MYLK4: variants seen among roughly 807,000 people sequenced by gnomAD.
MYLK4 encodes the protein myosin light chain kinase family member 4, also known as caMLCK like.
In MYLK4, 46 loss-of-function variants were observed where a neutral mutation model predicts 48.1. The observed-to-expected ratio is 0.96, with a 90% CI of 0.75 to 1.22. The LOEUF (loss-of-function observed/expected upper bound fraction) is 1.22, where lower values mean the gene tolerates loss of function less well. Ranked by LOEUF, MYLK4 falls within the 50% of genes most tolerant of loss-of-function variation. MYLK4 has a pLI of 0.00. For synonymous variants in MYLK4, 170 were observed against 180.8 expected (o/e 0.94, Z 0.48); for missense variants, 451 against 486.1 (o/e 0.93, Z 0.68).
At position 2,666,026 on chromosome 6, in the gene MYLK4, G is replaced by A. The variant is rs1582013207; in HGVS notation, c.*1899C>T. ...ACCTCGGATAAATGCAAGGCCAAAG[G>A]AGAAAAAGAAACGCATCATAATGTA... On this transcript the variant is annotated 3_prime_UTR_variant, in exon 13 of 13. Transcript: ENST00000274643. 6.6e-6 allele frequency: 1 copy of A among 152,242 alleles called. No individual in the cohort carries two copies. Among genetic ancestry groups the A allele is most frequent in the East Asian group, 1.9e-4 (1 of 5,164 alleles). 9.4% of individuals were successfully genotyped at this position (152,242 alleles called of 1,614,324 possible).
At chr6:2,683,391 T>TTTTGTGTGTG (rs556476421) in intron 6 of MYLK4, among the ~76,000 whole-genome samples, 85 of 126,664 alleles carry the variant, frequency 6.7e-4, no homozygotes, top group Non-Finnish European at 1.1e-3. Context: ...CCCCACCTTT[T>TTTTGTGTGTG]TGTGTGTGTG....
chr6:2,725,726 C>T (rs1763250394), intron 2 of MYLK4, among the ~76,000 whole-genome samples: 1 of 152,202 alleles, frequency 6.6e-6, no homozygotes, highest in Non-Finnish European at 1.5e-5. Context: ...TATCTTTTAA[C>T]TATCGATAGG....
At chr6:2,713,758 T>C (rs1762767240) in intron 2 of MYLK4, among the ~76,000 whole-genome samples, 2 of 152,164 alleles carry the variant, frequency 1.3e-5, no homozygotes, top group African/African-American at 4.8e-5. Flanking sequence ...CCAGTACCTT[T>C]TAAAGGTTGT....
chr6:2,698,708 G>T (rs1405470644), intron 2 of MYLK4, among the ~76,000 whole-genome samples: 1 of 152,168 alleles, frequency 6.6e-6, no homozygotes, highest in Non-Finnish European at 1.5e-5. Context: ...ATTTTCAGAA[G>T]AAATATGAAA....
intron 9 of MYLK4, 98 bp from the exon 10 acceptor site, chr6:2,678,470 A>T: frequency 7.5e-7 from 1 of 1,333,530 alleles, no homozygotes; most frequent in Non-Finnish European, 1.0e-6. Context: ...AGGTGAGAGA[A>T]GGAAAATAAC....
At chr6:2,708,924 TC>T (rs1266634554) in intron 2 of MYLK4, among the ~76,000 whole-genome samples, 1 of 152,194 alleles carries the variant, frequency 6.6e-6, no homozygotes, top group Non-Finnish European at 1.5e-5. Context: ...TTTCAGATTG[TC>T]CCCATTCTTT....
At chr6:2,671,567 AC>A (rs1482747515) in intron 11 of MYLK4, among the ~76,000 whole-genome samples, 2 of 151,812 alleles carry the variant, frequency 1.3e-5, no homozygotes, top group Non-Finnish European at 2.9e-5. Flanking sequence ...CTGTCACACG[AC>A]CCTTCCTTCT....
chr6:2,694,218 A>G (rs1761927331), intron 2 of MYLK4, among the ~76,000 whole-genome samples: 1 of 152,104 alleles, frequency 6.6e-6, no homozygotes, highest in Non-Finnish European at 1.5e-5. Context: ...GTGAAAGTCC[A>G]GAGACGGCAC....
At chr6:2,693,819 G>A (rs9378726) in intron 2 of MYLK4, among the ~76,000 whole-genome samples, 11,767 of 147,870 alleles carry the variant, frequency 0.08, 630 homozygotes, top group East Asian at 0.17. Flanking sequence ...GTGCAATGGC[G>A]CAATCTCAGC....
chr6:2,669,330 C>T (rs997663071), intron 12 of MYLK4, among the ~76,000 whole-genome samples: 3 of 152,348 alleles, frequency 2.0e-5, no homozygotes, highest in Admixed American at 6.5e-5. Flanking sequence ...GCACAGCCAT[C>T]GCTTCGTAGG....
chr6:2,668,816 T>C (rs1760768059), intron 12 of MYLK4, among the ~76,000 whole-genome samples: 1 of 152,188 alleles, frequency 6.6e-6, no homozygotes, highest in Non-Finnish European at 1.5e-5. Flanking sequence ...ATTCCTGTAA[T>C]CTCAGTGCTT....
chr6:2,721,257 T>C (rs1480749986), intron 2 of MYLK4, among the ~76,000 whole-genome samples: 1 of 152,196 alleles, frequency 6.6e-6, no homozygotes, highest in Admixed American at 6.5e-5. Context: ...CCAGCAAATG[T>C]CCAGCACAAT....
At chr6:2,727,970 C>G (rs1289451518) in intron 2 of MYLK4, among the ~76,000 whole-genome samples, 1 of 147,780 alleles carries the variant, frequency 6.8e-6, no homozygotes, top group African/African-American at 2.5e-5. Flanking sequence ...AAAAAAAATG[C>G]TATCATTTAC....
intron 2 of MYLK4, among the ~76,000 whole-genome samples, chr6:2,726,634 C>CA (rs1763284954): frequency 8.2e-6 from 1 of 121,512 alleles, no homozygotes; most frequent in Admixed American, 9.4e-5. Context: ...TTTTTTGAGA[C>CA]AGAGTTTTGC....
At chr6:2,765,081 G>C in the MYLK4 span, among the ~76,000 whole-genome samples, 4 of 151,906 alleles carry the variant, frequency 2.6e-5, no homozygotes, top group Non-Finnish European at 4.4e-5. Context: ...ACCTCGCGCA[G>C]TCCGTGGCTC....
rs1761964031 is a variant in MYLK4, at chr6:2,694,530, GTAGTAGTGT to G, written c.160-1680_160-1672del. Among the ~76,000 whole-genome samples, 73 of 99,490 alleles carry G rather than the reference GTAGTAGTGT, an allele frequency of 7.3e-4. 1 individual carries two copies. Among genetic ancestry groups the G allele is most frequent in the Non-Finnish European group, 1.1e-3 (50 of 45,434 alleles). 65.3% of individuals were successfully genotyped at this position (99,490 alleles called of 152,430 possible). A position where few individuals can be genotyped will look rare whatever the true frequency, so the allele number is the denominator to read the frequency against. Reference sequence around the variant, plus strand: ...GGTGGTGGCGGTGGTGGTGGTGGTGGTAGTAGTGTTGGTTGTGGTGGTAGTCGTGGTGGT... The same window carrying G: ...GGTGGTGGCGGTGGTGGTGGTGGTGGTGGTTGTGGTGGTAGTCGTGGTGGT... On this transcript the variant is annotated intron_variant, in intron 2 of 12. Transcript: ENST00000274643.
intron 2 of MYLK4, among the ~76,000 whole-genome samples, chr6:2,715,493 G>C (rs1184450435): frequency 6.6e-6 from 1 of 152,172 alleles, no homozygotes; most frequent in Non-Finnish European, 1.5e-5. Flanking sequence ...AAGAAAATTG[G>C]CTGATCCAAA....
intron 2 of MYLK4, among the ~76,000 whole-genome samples, chr6:2,697,682 G>A (rs1762116081): frequency 6.6e-6 from 1 of 152,134 alleles, no homozygotes; most frequent in South Asian, 2.1e-4. Context: ...AAAAATCAAT[G>A]GTAAAACGGA....
the MYLK4 span, chr6:2,765,705 C>A: frequency 1.3e-6 from 2 of 1,546,510 alleles, no homozygotes; most frequent in African/African-American, 1.4e-5. Flanking sequence ...CAGATGATGC[C>A]CGCCGCGCAC....
Sources: gnomAD v4.1 joint callset for allele counts (sites outside exome capture counted in the v4.1 genomes callset) on GRCh38, gnomAD v4.1.1 for gene constraint, MANE v1.5 for transcripts, NCBI Gene and HGNC (gene_info 2026-07-23, HGNC 2026-07-21) for gene names.